The following RGS20 variants were observed in gnomAD, a reference collection of about 807,000 sequenced individuals.
The protein encoded by RGS20 is regulator of G protein signaling 20.
In RGS20, 30 loss-of-function variants were observed where a neutral mutation model predicts 33.6. The observed-to-expected ratio is 0.89, with a 90% CI of 0.67 to 1.21. The LOEUF (loss-of-function observed/expected upper bound fraction) is 1.21, where lower values mean the gene tolerates loss of function less well. RGS20 is among the 50% of genes most tolerant of loss of function. The pLI, the probability that RGS20 is intolerant of heterozygous loss-of-function variation, is 0.00. For synonymous variants in RGS20, 208 were observed against 197.9 expected (o/e 1.05, Z -0.43); for missense variants, 472 against 502.4 (o/e 0.94, Z 0.58).
rs190489161 is a variant in RGS20 at position 53,935,183 on chromosome 8, A to C, written c.511-4393A>C. Among the ~76,000 whole-genome samples the C allele has an allele frequency of 2.3e-4, 35 of 152,326 alleles. No homozygotes were observed. In the East Asian group the frequency reaches 4.4e-3, roughly 19 times the overall value. ...GGAAAAATCTAGAATTGACACCCTAACATCACAATTAAAGAACTAGAGAAG... is the reference window on the plus strand; with the variant it reads ...GGAAAAATCTAGAATTGACACCCTACCATCACAATTAAAGAACTAGAGAAG... On this transcript the variant is annotated intron_variant, in intron 2 of 5. Coordinates refer to ENST00000297313, the MANE Select transcript of RGS20 (RefSeq NM_170587.4).
intron 1 of RGS20, among the ~76,000 whole-genome samples, chr8:53,871,705 A>G (rs1362011005): frequency 1.3e-5 from 2 of 152,158 alleles, no homozygotes; most frequent in Admixed American, 1.3e-4. Flanking sequence ...ACTAGAGGAC[A>G]GAGAGATCTT....
In RGS20 at chr8:53,879,588, A is replaced by G. The variant is rs1006853837; in HGVS notation, c.496A>G (p.Ser166Gly). 3 of 1,519,508 alleles carry G rather than the reference A, an allele frequency of 2.0e-6. No homozygotes were observed. Among genetic ancestry groups the G allele is most frequent in the Non-Finnish European group, 2.6e-6 (3 of 1,135,774 alleles). 94.1% of individuals were successfully genotyped at this position (1,519,508 alleles called of 1,614,324 possible). A position where few individuals can be genotyped will look rare whatever the true frequency, so the allele number is the denominator to read the frequency against. Residue 166 changes from serine to glycine, a missense_variant, in exon 2 of 6, where the codon AGC becomes GGC. Ser to Gly is a moderately conservative substitution (Grantham distance 56). Around this residue, in one of 3 missense-constraint regions of RGS20, gnomAD observed 319 missense variants for 283.4 expected, o/e 1.13. Coordinates refer to ENST00000297313, the MANE Select transcript of RGS20 (RefSeq NM_170587.4). Reference sequence around the variant, plus strand: ...GGAAGAAGACGCCACCGCTGGGCAGAGCTCGCCTATGCCGGTGAGTACCGT... The same window carrying G: ...GGAAGAAGACGCCACCGCTGGGCAGGGCTCGCCTATGCCGGTGAGTACCGT...
chr8:53,912,736 A>C (rs1375404548), intron 2 of RGS20, among the ~76,000 whole-genome samples: 1 of 152,094 alleles, frequency 6.6e-6, no homozygotes, highest in Non-Finnish European at 1.5e-5. Flanking sequence ...ATGATTTTTT[A>C]ATTTATTAGT....
At chr8:53,958,117 C>T (rs1046449104) in intron 5 of RGS20, among the ~76,000 whole-genome samples, 153 bp from the exon 5 acceptor site, 2 of 152,032 alleles carry the variant, frequency 1.3e-5, no homozygotes, top group Non-Finnish European at 2.9e-5. Context: ...GCCTGGGTGA[C>T]AGAGTAAGAC....
chr8:53,877,872 C>T lies in RGS20; in HGVS notation c.166-1386C>T, dbSNP rs1264056519. ...GAGAATGGGTTGCTAGGTTTCCTTC[C>T]CTCTCTCCTGACAATCGCTTCCCAC... On this transcript the variant is annotated intron_variant, in intron 1 of 5. Coordinates refer to ENST00000297313, the MANE Select transcript of RGS20 (RefSeq NM_170587.4). This position sits in a 1 kb window ranked among gnomAD's most constrained non-coding sequence, Gnocchi z 5.7. 1.3e-5 allele frequency among the ~76,000 whole-genome samples: 2 copies of T among 152,212 alleles called. No homozygotes were observed. Among genetic ancestry groups the T allele is most frequent in the Admixed American group, 1.3e-4 (2 of 15,284 alleles).
At chr8:53,947,383 TTATA>T (rs74502135) in intron 4 of RGS20, among the ~76,000 whole-genome samples, 3 of 131,804 alleles carry the variant, frequency 2.3e-5, no homozygotes, top group African/African-American at 8.4e-5. Flanking sequence ...TATAGTATAT[TTATA>T]TATGCTATAT....
At chr8:53,955,817 G>A (rs768539919) in intron 5 of RGS20, among the ~76,000 whole-genome samples, 6 of 152,082 alleles carry the variant, frequency 3.9e-5, no homozygotes, top group Non-Finnish European at 8.8e-5. Context: ...GGCAACAAGA[G>A]CAAAACTCCA....
At chr8:53,852,170 T>C in intron 1 of RGS20, 1 of 1,064,824 alleles carries the variant, frequency 9.4e-7, no homozygotes, top group South Asian at 2.6e-5. Context: ...CTCACTTATC[T>C]TAATGTTTTA....
intron 2 of RGS20, among the ~76,000 whole-genome samples, chr8:53,902,022 A>AT (rs1275940566): frequency 7.3e-5 from 11 of 151,302 alleles, no homozygotes; most frequent in East Asian, 1.9e-4. Context: ...TCTACTTTTT[A>AT]TTTTTTTTTC....
chr8:53,908,123 A>T (rs1408247270), intron 2 of RGS20, among the ~76,000 whole-genome samples: 1 of 152,240 alleles, frequency 6.6e-6, no homozygotes, highest in Admixed American at 6.5e-5. Flanking sequence ...GCATATGCAT[A>T]TGGAACAAAA....
At chr8:53,860,120 T>G (rs1811778667) in intron 1 of RGS20, among the ~76,000 whole-genome samples, 1 of 152,182 alleles carries the variant, frequency 6.6e-6, no homozygotes, top group African/African-American at 2.4e-5. Context: ...ATAGAATGGT[T>G]TTACAGCTCC....
intron 5 of RGS20, among the ~76,000 whole-genome samples, chr8:53,954,605 A>C (rs1453927961): frequency 6.6e-6 from 1 of 151,792 alleles, no homozygotes; most frequent in Non-Finnish European, 1.5e-5. Flanking sequence ...CAGAGGATGC[A>C]GTGAGCCGAG....
Position 53,879,468 on chromosome 8 carries a change from C to T in RGS20, c.376C>T (p.Arg126Cys), listed in dbSNP as rs762886472. 76 of 1,585,646 alleles carry T rather than the reference C, an allele frequency of 4.8e-5. No homozygotes were observed. Among genetic ancestry groups the T allele is most frequent in the Non-Finnish European group, 6.2e-5 (73 of 1,168,828 alleles). ...GAGGGGGCACGAGGAGCTGCCGGGC[C>T]GCCTCTCGCTCCTGCTCGGGGCGGC... Residue 126 changes from arginine to cysteine, a missense_variant, in exon 2 of 6, where the codon CGC (arginine) becomes TGC (cysteine). Physicochemically the swap from Arg to Cys is radical, Grantham distance 180. Transcript: ENST00000297313.
At chr8:53,885,487 G>A (rs990068061) in intron 2 of RGS20, among the ~76,000 whole-genome samples, 2 of 152,102 alleles carry the variant, frequency 1.3e-5, no homozygotes, top group Admixed American at 1.3e-4. Context: ...ATTAGCGGGC[G>A]TCTGTAGTAC....
chr8:53,867,177 A>C (rs1473125457), intron 1 of RGS20, among the ~76,000 whole-genome samples: 1 of 151,984 alleles, frequency 6.6e-6, no homozygotes, highest in African/African-American at 2.4e-5. Flanking sequence ...GTGCCTCAGG[A>C]GAGCGGCAGA....
chr8:53,954,040 T>C (rs1402586545), intron 4 of RGS20, 36 bp from the exon 4 acceptor site: 1 of 1,377,956 alleles, frequency 7.3e-7, no homozygotes, highest in South Asian at 1.2e-5. Context: ...CCACTAACAG[T>C]TCCCTTTTGC....
chr8:53,933,356 C>A (rs1814030344), intron 2 of RGS20, among the ~76,000 whole-genome samples: 1 of 152,026 alleles, frequency 6.6e-6, no homozygotes, highest in East Asian at 1.9e-4. Flanking sequence ...AAGCTAAGAA[C>A]CTTGAAAAAA....
In RGS20 at chr8:53,954,122, G is replaced by T; in HGVS notation, c.790G>T (p.Asp264Tyr). 1 of 1,614,042 alleles carries T rather than the reference G, an allele frequency of 6.2e-7. No homozygotes were observed. The highest frequency in any genetic ancestry group is 1.1e-5 in the South Asian group (1 of 91,012). ...AGTCAACGCCTGGGCTCAGTCATTT[G>T]ACAAATTAATGGTCACTCCAGCAGG... is the stretch of plus-strand genomic sequence containing the variant. The change falls in exon 5 of 6, where the codon GAC becomes TAC. Residue 264 changes from aspartate (D) to tyrosine (Y), a missense_variant. By Grantham distance (160) the Asp-to-Tyr change is radical. Transcript: ENST00000297313.
intron 2 of RGS20, among the ~76,000 whole-genome samples, chr8:53,935,369 A>G (rs1324576578): frequency 6.6e-6 from 1 of 152,200 alleles, no homozygotes; most frequent in Non-Finnish European, 1.5e-5. Context: ...CAGACTAATA[A>G]AGAAGAAAAG....
Sources: allele counts gnomAD v4.1 joint callset (sites outside exome capture counted in the v4.1 genomes callset), GRCh38; gene constraint gnomAD v4.1.1; regional missense constraint gnomAD v4.1.1; non-coding constraint Gnocchi (gnomAD v3.1); transcripts MANE v1.5; gene names NCBI Gene and HGNC (gene_info 2026-07-23, HGNC 2026-07-21).